The following GDF6 variants were observed in gnomAD, a reference collection of about 807,000 sequenced individuals.
GDF6 encodes growth/differentiation factor 6.
A neutral mutation model predicts 32.4 loss-of-function variants in GDF6; 3 were observed. The ratio of observed to expected loss-of-function variants is 0.09; its 90% CI spans 0.04 to 0.24. The LOEUF (loss-of-function observed/expected upper bound fraction) is 0.24. Ranked by LOEUF, GDF6 falls within the 10% of genes least tolerant of loss-of-function variation. The pLI is 1.00. For synonymous variants in GDF6, 296 were observed against 295.3 expected (o/e 1.00, Z -0.03); for missense variants, 589 against 637.9 (o/e 0.92, Z 0.83).
At position 96,144,350 on chromosome 8, in the gene GDF6, G is replaced by GA; in HGVS notation, c.*212dup. 1 of 598,318 alleles carries GA rather than the reference G, an allele frequency of 1.7e-6. No homozygotes were observed. Among genetic ancestry groups the GA allele is most frequent in the Non-Finnish European group, 2.9e-6 (1 of 340,026 alleles). The allele number at this position is 598,318 out of a possible 1,614,324, so 37.1% of individuals were successfully genotyped here. A position where few individuals can be genotyped will look rare whatever the true frequency, so the allele number is the denominator to read the frequency against. On this transcript the variant is annotated 3_prime_UTR_variant, in exon 2 of 2. Transcript: ENST00000287020. This position sits in a 1 kb window ranked among gnomAD's most constrained non-coding sequence, Gnocchi z 5.1. ...TTTCCAGGGTGGCCAGGCAAGGTGT[G>GA]AAAATCCATATTTCCCTCTGGGCTG...
At chr8:96,147,280 C>G (rs906434276) in intron 1 of GDF6, among the ~76,000 whole-genome samples, 1 of 152,206 alleles carries the variant, frequency 6.6e-6, no homozygotes, top group Admixed American at 6.5e-5. Flanking sequence ...AAGGGAAAAG[C>G]TGCTGCAGGC....
chr8:96,145,376 G>C lies in GDF6; in HGVS notation c.555C>G (p.His185Gln). ...APWGPPAGPL[H>Q]VQLFPCLSPL... Reference sequence around the variant, plus strand: ...GCGAAAGGCAAGGGAAGAGCTGCACGTGGAGCGGCCCGGCTGGTGGCCCCC... The same window carrying C: ...GCGAAAGGCAAGGGAAGAGCTGCACCTGGAGCGGCCCGGCTGGTGGCCCCC... The change falls in exon 2 of 2, where the codon CAC becomes CAG. Residue 185 changes from histidine to glutamine, a missense_variant. His to Gln is a conservative substitution (Grantham distance 24, BLOSUM62 0). Around this residue, in one of 2 missense-constraint regions of GDF6, gnomAD observed 436 missense variants for 411.2 expected, o/e 1.06. Coordinates refer to ENST00000287020, the MANE Select transcript of GDF6 (RefSeq NM_001001557.4). This position sits in a 1 kb window ranked among gnomAD's most constrained non-coding sequence, Gnocchi z 5.6. 1 of 1,568,886 alleles carries C rather than the reference G, an allele frequency of 6.4e-7. No homozygotes were observed. The highest frequency in any genetic ancestry group is 1.3e-5 in the African/African-American group (1 of 74,608).
intron 1 of GDF6, among the ~76,000 whole-genome samples, chr8:96,149,593 A>G (rs537508390): frequency 1.3e-5 from 2 of 152,184 alleles, no homozygotes; most frequent in Admixed American, 6.5e-5. Flanking sequence ...AATTTAAAAG[A>G]GGGGAGATGT....
At chr8:96,155,290 G>C (rs775372676) in intron 1 of GDF6, among the ~76,000 whole-genome samples, 7 of 152,242 alleles carry the variant, frequency 4.6e-5, no homozygotes, top group Non-Finnish European at 1.0e-4. Flanking sequence ...AGCATACTAG[G>C]TGGTCTTTCT....
rs536331514 is a variant in GDF6 at position 96,160,316 on chromosome 8, G to A, written c.377C>T (p.Thr126Met). 1.9e-5 allele frequency: 31 copies of A among 1,614,242 alleles called. No individual in the cohort carries two copies. In the East Asian group the frequency reaches 4.2e-4, roughly 22 times the overall value. ...SFFQSSKSAN[T>M]ITSFVDRGLD... ...TCCCCTGTCTACAAAGCTGGTGATC[G>A]TATTAGCCGACTTGGAAGACTGGAA... Residue 126 changes from threonine to methionine, a missense_variant, in exon 1 of 2, where the codon ACG becomes ATG. Physicochemically the swap from Thr to Met is moderately conservative, Grantham distance 81. This residue lies in a region of GDF6 where 436 missense variants were observed against 411.2 expected (regional missense o/e 1.06). Transcript: ENST00000287020.
At chr8:96,158,189 G>T (rs1392963008) in intron 1 of GDF6, among the ~76,000 whole-genome samples, 7 of 152,186 alleles carry the variant, frequency 4.6e-5, no homozygotes, top group Non-Finnish European at 1.0e-4. Flanking sequence ...GGTTGTAGCG[G>T]TACTTGTGGA....
chr8:96,145,122 C>A lies in GDF6; in HGVS notation c.809G>T (p.Arg270Leu). The A allele has an allele frequency of 6.6e-7, 1 of 1,519,526 alleles. No individual in the cohort carries two copies. Among genetic ancestry groups the A allele is most frequent in the African/African-American group, 1.4e-5 (1 of 69,786 alleles). 94.1% of individuals were successfully genotyped at this position (1,519,526 alleles called of 1,614,324 possible). A position where few individuals can be genotyped will look rare whatever the true frequency, so the allele number is the denominator to read the frequency against. ...CAGCAGGGCCCGCTCCTGGGGAGGC[C>A]GCACCCTCCGGCCGAAGCCCAGACT... ...LRSLGFGRRV[R>L]PPQERALLVV... Residue 270 changes from arginine (R) to leucine (L), a missense_variant, in exon 2 of 2, where the codon CGG (arginine) becomes CTG (leucine). This residue lies in a region of GDF6 where 436 missense variants were observed against 411.2 expected (regional missense o/e 1.06). Transcript: ENST00000287020. This position sits in a 1 kb window ranked among gnomAD's most constrained non-coding sequence, Gnocchi z 5.6.
intron 1 of GDF6, among the ~76,000 whole-genome samples, chr8:96,154,327 C>T (rs1184366258): frequency 6.6e-6 from 1 of 152,216 alleles, no homozygotes; most frequent in African/African-American, 2.4e-5. Context: ...CCGCCCCTTC[C>T]AAGCTCTTGC....
chr8:96,145,043 C>G lies in GDF6; in HGVS notation c.888G>C (p.Gln296His), dbSNP rs867305918. The stretch of plus-strand genomic sequence containing the variant: ...GGCCCGCAGCCTCGGCCGAGCCCAG[C>G]TGCTCGCGCATCTCTGCGAACAGGT... ...RKNLFAEMRE[Q>H]LGSAEAAGPG... is the part of the protein sequence containing the mutation. Residue 296 changes from glutamine (Q) to histidine (H), a missense_variant, in exon 2 of 2, where the codon CAG becomes CAC. Gln to His is a conservative substitution (Grantham distance 24). Transcript: ENST00000287020. This position sits in a 1 kb window ranked among gnomAD's most constrained non-coding sequence, Gnocchi z 5.6. The G allele has an allele frequency of 6.8e-7, 1 of 1,471,646 alleles. No homozygotes were observed. The highest frequency in any genetic ancestry group is 9.0e-7 in the Non-Finnish European group (1 of 1,117,000). 91.2% of individuals were successfully genotyped at this position (1,471,646 alleles called of 1,614,324 possible).
At chr8:96,158,957 G>A (rs1563514329) in intron 1 of GDF6, among the ~76,000 whole-genome samples, 1 of 152,096 alleles carries the variant, frequency 6.6e-6, no homozygotes, top group Non-Finnish European at 1.5e-5. Flanking sequence ...ATGAGTGAGA[G>A]GCGGGGACTG....
In GDF6 at chr8:96,145,335, G is replaced by C; in HGVS notation, c.596C>G (p.Ala199Gly). The C allele has an allele frequency of 6.5e-7, 1 of 1,540,078 alleles. No individual in the cohort carries two copies. The highest frequency in any genetic ancestry group is 8.7e-7 in the Non-Finnish European group (1 of 1,149,392). The change falls in exon 2 of 2, where the codon GCG (alanine) becomes GGG (glycine). Residue 199 changes from alanine to glycine, a missense_variant. Ala to Gly is a moderately conservative substitution (Grantham distance 60). Transcript: ENST00000287020. The surrounding 1 kb of genome is among the most constrained non-coding windows in gnomAD (Gnocchi z 5.6). ...FPCLSPLLLDARTLDPQGAPP... is the reference protein window; with the variant it reads ...FPCLSPLLLDGRTLDPQGAPP... Reference sequence around the variant, plus strand: ...CGCCCCCTGCGGGTCCAGGGTCCGCGCGTCCAGCAGTAGGGGCGAAAGGCA... The same window carrying C: ...CGCCCCCTGCGGGTCCAGGGTCCGCCCGTCCAGCAGTAGGGGCGAAAGGCA...
chr8:96,155,068 T>G (rs180806077), intron 1 of GDF6, among the ~76,000 whole-genome samples: 37 of 152,198 alleles, frequency 2.4e-4, no homozygotes, highest in Non-Finnish European at 2.2e-4. Context: ...TGATCTGTGG[T>G]CTGAGTGACT....
chr8:96,156,661 A>G (rs991848697), intron 1 of GDF6, among the ~76,000 whole-genome samples: 8 of 152,206 alleles, frequency 5.3e-5, no homozygotes, highest in African/African-American at 1.9e-4. Flanking sequence ...TATGGATCCA[A>G]CATCATTTTT....
Position 96,156,387 on chromosome 8 carries a change from T to TCTCTCTCTTTCC in GDF6, c.406+3899_406+3900insGGAAAGAGAGAG, listed in dbSNP as rs987209309. On this transcript the variant is annotated intron_variant, in intron 1 of 1. Transcript: ENST00000287020. ...CTCTCTCTCTCTTTCCCTCTCTCTC[T>TCTCTCTCTTTCC]CTCTCTCTCTCTCTCTCTTTCCCTC... 6.6e-3 allele frequency among the ~76,000 whole-genome samples: 871 copies of TCTCTCTCTTTCC among 132,692 alleles called. 23 individuals are homozygous for TCTCTCTCTTTCC. The highest frequency in any genetic ancestry group is 0.028 in the African/African-American group (836 of 29,556). 87.1% of individuals were successfully genotyped at this position (132,692 alleles called of 152,430 possible). A position where few individuals can be genotyped will look rare whatever the true frequency, so the allele number is the denominator to read the frequency against.
chr8:96,146,707 C>CAGAGAGAGAGAGAGAGAGAG lies in GDF6; in HGVS notation c.407-1184_407-1183insCTCTCTCTCTCTCTCTCTCT, dbSNP rs1554571546. Among the ~76,000 whole-genome samples the CAGAGAGAGAGAGAGAGAGAG allele has an allele frequency of 1.6e-3, 227 of 140,006 alleles. 1 individual carries two copies. The highest frequency in any genetic ancestry group is 6.3e-3 in the African/African-American group (220 of 35,164). The allele number at this position is 140,006 out of a possible 152,430, so 91.8% of individuals were successfully genotyped here. ...ACACACACACACACACACACACACA[C>CAGAGAGAGAGAGAGAGAGAG]AGAGAGAGAGAGAGAGAGATAGAGA... On this transcript the variant is annotated intron_variant, in intron 1 of 1. Transcript: ENST00000287020.
chr8:96,144,278 GAGAGAGAGAGA>G lies in GDF6; in HGVS notation c.*274_*284del, dbSNP rs1812424040. The G allele has an allele frequency of 8.4e-6, 4 of 477,702 alleles. No individual in the cohort carries two copies. The African/African-American group carries it at 8.8e-5, about 11-fold the overall frequency. The allele number at this position is 477,702 out of a possible 1,614,324, so 29.6% of individuals were successfully genotyped here. On this transcript the variant is annotated 3_prime_UTR_variant, in exon 2 of 2. Coordinates refer to ENST00000287020, the MANE Select transcript of GDF6 (RefSeq NM_001001557.4). The surrounding 1 kb of genome is among the most constrained non-coding windows in gnomAD (Gnocchi z 5.1). Reference sequence around the variant, plus strand: ...AGAGAGAGAGAGAGAGAGAGAGAGAGAGAGAGAGAGAGAAAACAGAACAAAAGAAATCCTCC... The same window carrying G: ...AGAGAGAGAGAGAGAGAGAGAGAGAGGAAAACAGAACAAAAGAAATCCTCC...
chr8:96,153,567 G>A lies in GDF6; in HGVS notation c.406+6720C>T, dbSNP rs187860831. 4.1e-3 allele frequency among the ~76,000 whole-genome samples: 631 copies of A among 152,332 alleles called. 6 individuals carry two copies. The highest frequency in any genetic ancestry group is 0.014 in the African/African-American group (589 of 41,580). On this transcript the variant is annotated intron_variant, in intron 1 of 1. Transcript: ENST00000287020. ...CGGTAAGTCACCCGGGAGCCCAGGG[G>A]AGCAACCAGGTCCTCCACGAAGGCT...
At chr8:96,149,836 C>T (rs1249944850) in intron 1 of GDF6, among the ~76,000 whole-genome samples, 1 of 152,000 alleles carries the variant, frequency 6.6e-6, no homozygotes, top group African/African-American at 2.4e-5. Context: ...AAAAGATGCC[C>T]GCAACGCCAA....
intron 1 of GDF6, among the ~76,000 whole-genome samples, chr8:96,153,889 T>TC (rs1812613369): frequency 6.6e-6 from 1 of 152,104 alleles, no homozygotes; most frequent in African/African-American, 2.4e-5. Context: ...GCAATCTCTG[T>TC]CTGCGGTGTT....
Sources: gnomAD v4.1 joint callset for allele counts (sites outside exome capture counted in the v4.1 genomes callset) on GRCh38, gnomAD v4.1.1 for gene constraint, gnomAD v4.1.1 regional missense constraint, Gnocchi (gnomAD v3.1) non-coding constraint, MANE v1.5 for transcripts, NCBI Gene and HGNC (gene_info 2026-07-23, HGNC 2026-07-21) for gene names.